The following APP variants were observed in gnomAD, a reference collection of about 807,000 sequenced individuals.
APP encodes amyloid-beta precursor protein.
In APP, 31 loss-of-function variants were observed where a neutral mutation model predicts 101.4. That is an observed-to-expected ratio of 0.31 (90% CI 0.23 to 0.41). The LOEUF is 0.41. APP is among the 10% of genes least tolerant of loss of function. The pLI, the probability that APP is intolerant of heterozygous loss-of-function variation, is 1.00. For missense variants in APP, 839 were observed against 1,003.7 expected (o/e 0.84, Z 2.22); for synonymous variants, 366 against 364.4 (o/e 1.00, Z -0.05).
chr21:26,072,826 C>T (rs1288317545), intron 3 of APP, among the ~76,000 whole-genome samples: 2 of 152,128 alleles, frequency 1.3e-5, no homozygotes, highest in African/African-American at 4.8e-5. Flanking sequence ...CAATCCTATC[C>T]TTTGCCTGAA....
At chr21:25,890,833 A>C (rs1476996650) in intron 17 of APP, among the ~76,000 whole-genome samples, 18 of 152,042 alleles carry the variant, frequency 1.2e-4, no homozygotes, top group Admixed American at 1.2e-3. Context: ...CATCTACAAG[A>C]TGAGAAGATC....
chr21:25,947,284 G>A (rs1335630219), intron 13 of APP, among the ~76,000 whole-genome samples: 1 of 147,624 alleles, frequency 6.8e-6, no homozygotes, highest in Non-Finnish European at 1.5e-5. Context: ...AGAGCTAAAC[G>A]TATACAAAGC....
intron 3 of APP, among the ~76,000 whole-genome samples, chr21:26,061,576 C>T (rs908650207): frequency 1.2e-4 from 18 of 152,192 alleles, no homozygotes; most frequent in African/African-American, 2.2e-4. Context: ...AACAAACTTT[C>T]CATGTGATAA....
At chr21:25,957,569 G>T (rs571874912) in intron 11 of APP, among the ~76,000 whole-genome samples, 2 of 152,012 alleles carry the variant, frequency 1.3e-5, no homozygotes, top group African/African-American at 2.4e-5. Context: ...GTGACTAATC[G>T]CATTTAACCA....
intron 13 of APP, among the ~76,000 whole-genome samples, chr21:25,933,376 T>G (rs948428165): frequency 6.6e-6 from 1 of 152,248 alleles, no homozygotes; most frequent in African/African-American, 2.4e-5. Context: ...GTGCTGGGAC[T>G]ATAGGTGTAA....
intron 17 of APP, among the ~76,000 whole-genome samples, chr21:25,884,882 T>C (rs1190795288): frequency 6.6e-6 from 1 of 152,234 alleles, no homozygotes; most frequent in African/African-American, 2.4e-5. Context: ...ACCTGGCAAT[T>C]TGATAGGTTT....
chr21:26,016,070 C>T (rs1419074124), intron 6 of APP, among the ~76,000 whole-genome samples: 2 of 151,696 alleles, frequency 1.3e-5, no homozygotes, highest in South Asian at 2.1e-4. Flanking sequence ...TCGCTCTTGT[C>T]GCCAGGCTGG....
intron 5 of APP, among the ~76,000 whole-genome samples, chr21:26,025,793 G>C (rs2044544745): frequency 6.6e-6 from 1 of 152,232 alleles, no homozygotes; most frequent in Non-Finnish European, 1.5e-5. Context: ...CTTGGCCTAA[G>C]AGAACTCAGG....
At chr21:26,059,036 G>A (rs540183937) in intron 3 of APP, among the ~76,000 whole-genome samples, 7 of 151,426 alleles carry the variant, frequency 4.6e-5, no homozygotes, top group Admixed American at 6.6e-5. Context: ...AGCCGAGATC[G>A]CGCCACTGCA....
intron 1 of APP, among the ~76,000 whole-genome samples, chr21:26,167,550 A>T (rs2063644321): frequency 6.6e-6 from 1 of 152,244 alleles, no homozygotes; most frequent in African/African-American, 2.4e-5. Context: ...GACAACATTC[A>T]TACAAATATC....
intron 1 of APP, among the ~76,000 whole-genome samples, chr21:26,142,658 A>G (rs1263577913): frequency 6.6e-6 from 1 of 152,002 alleles, no homozygotes; most frequent in Non-Finnish European, 1.5e-5. Context: ...AGTCCCAGCT[A>G]CTCAGGAGGC....
chr21:26,131,962 C>T (rs1431337142), intron 1 of APP, among the ~76,000 whole-genome samples: 1 of 150,590 alleles, frequency 6.6e-6, no homozygotes, highest in Non-Finnish European at 1.5e-5. Flanking sequence ...CAATAATAAA[C>T]TTACCATATT....
intron 1 of APP, among the ~76,000 whole-genome samples, chr21:26,145,795 T>C (rs759964624): frequency 6.6e-6 from 1 of 152,220 alleles, no homozygotes; most frequent in Non-Finnish European, 1.5e-5. Context: ...CTGTTTAATC[T>C]GTGATTATGC....
At chr21:25,990,271 T>C (rs889840909) in intron 8 of APP, among the ~76,000 whole-genome samples, 1 of 152,232 alleles carries the variant, frequency 6.6e-6, no homozygotes, top group East Asian at 1.9e-4. Flanking sequence ...ACATTTCTTT[T>C]TTATGTCCAT....
chr21:26,165,339 A>G (rs1481755300), intron 1 of APP, among the ~76,000 whole-genome samples: 1 of 152,252 alleles, frequency 6.6e-6, no homozygotes, highest in African/African-American at 2.4e-5. Flanking sequence ...CACTGTTTCA[A>G]GCATTTAACA....
rs1339241995 is a variant in APP at position 25,918,801 on chromosome 21, G to C, written c.1688-6839C>G. Reference sequence around the variant, plus strand: ...AACTGCAAGGCGGCAGCGAGGCTGGGGGAGGGGAGCCCGCCATTGCCCAGG... The same window carrying C: ...AACTGCAAGGCGGCAGCGAGGCTGGCGGAGGGGAGCCCGCCATTGCCCAGG... On this transcript the variant is annotated intron_variant, in intron 13 of 17. Transcript: ENST00000346798. Among the ~76,000 whole-genome samples, 63 of 150,676 alleles carry C rather than the reference G, an allele frequency of 4.2e-4. 1 individual carries two copies. The South Asian group carries it at 0.013, about 31-fold the overall frequency.
intron 15 of APP, among the ~76,000 whole-genome samples, chr21:25,899,970 C>A (rs1404650913): frequency 1.3e-5 from 2 of 152,100 alleles, no homozygotes; most frequent in African/African-American, 2.4e-5. Flanking sequence ...ATGACCTAAC[C>A]CTCAACCCCC....
intron 11 of APP, among the ~76,000 whole-genome samples, chr21:25,968,492 A>C (rs2041883925): frequency 1.3e-5 from 2 of 152,072 alleles, no homozygotes; most frequent in Non-Finnish European, 2.9e-5. Context: ...ATGTGCCTAT[A>C]TATGTATGAC....
chr21:26,088,769 T>C (rs1038064947), intron 3 of APP, among the ~76,000 whole-genome samples: 1 of 152,160 alleles, frequency 6.6e-6, no homozygotes, highest in African/African-American at 2.4e-5. Flanking sequence ...ATAAAGCATA[T>C]AGGAACAAGG....
Sources: gnomAD v4.1 joint callset for allele counts (sites outside exome capture counted in the v4.1 genomes callset) on GRCh38, gnomAD v4.1.1 for gene constraint, MANE v1.5 for transcripts, NCBI Gene and HGNC (gene_info 2026-07-23, HGNC 2026-07-21) for gene names.